The following NR6A1 variants were observed in gnomAD, a reference collection of about 807,000 sequenced individuals.
The protein encoded by NR6A1 is retinoic acid receptor-related testis-associated receptor.
NR6A1 carries 7 observed loss-of-function variants against 59.1 expected under a neutral mutation model. The ratio of observed to expected loss-of-function variants is 0.12; its 90% CI spans 0.07 to 0.22. NR6A1 has a LOEUF of 0.22. Ranked by LOEUF, NR6A1 falls within the 10% of genes least tolerant of loss-of-function variation. The probability of loss-of-function intolerance (pLI) is 1.00; values close to 1 mark genes in which losing one functional copy is unlikely to be tolerated. For missense variants in NR6A1, 468 were observed against 611.6 expected (o/e 0.77, Z 2.48); for synonymous variants, 243 against 236.1 (o/e 1.03, Z -0.27).
chr9:124,761,995 C>T (rs1378070434), intron 1 of NR6A1, among the ~76,000 whole-genome samples: 1 of 152,160 alleles, frequency 6.6e-6, no homozygotes, highest in Non-Finnish European at 1.5e-5. Context: ...ATGATATGAA[C>T]TCATTTTCAA....
chr9:124,725,313 T>C (rs1003392700), intron 2 of NR6A1, among the ~76,000 whole-genome samples: 3 of 151,428 alleles, frequency 2.0e-5, no homozygotes, highest in African/African-American at 4.9e-5. Context: ...CCAGGAATCA[T>C]AGGAAGGCAG....
intron 9 of NR6A1, among the ~76,000 whole-genome samples, chr9:124,523,382 A>G (rs150098697): frequency 1.5e-3 from 223 of 152,318 alleles, no homozygotes; most frequent in African/African-American, 5.2e-3. Context: ...TATAATTTAT[A>G]AATACCTAAG....
intron 2 of NR6A1, among the ~76,000 whole-genome samples, chr9:124,594,645 C>T (rs900741529): frequency 1.3e-5 from 2 of 152,184 alleles, no homozygotes; most frequent in African/African-American, 4.8e-5. Flanking sequence ...CTGGTATTTT[C>T]TACAAACTTT....
chr9:124,731,949 C>T (rs887490889), intron 2 of NR6A1, among the ~76,000 whole-genome samples: 8 of 152,048 alleles, frequency 5.3e-5, no homozygotes, highest in South Asian at 2.1e-4. Flanking sequence ...AAGGGTCAAC[C>T]GTACTATATA....
At chr9:124,531,333 C>A (rs1289897154) in intron 7 of NR6A1, among the ~76,000 whole-genome samples, 1 of 152,188 alleles carries the variant, frequency 6.6e-6, no homozygotes, top group Non-Finnish European at 1.5e-5. Flanking sequence ...GGTTCACTGT[C>A]TGATAACGGT....
intron 2 of NR6A1, among the ~76,000 whole-genome samples, chr9:124,575,371 C>T (rs549794424): frequency 1.3e-5 from 2 of 152,172 alleles, no homozygotes; most frequent in South Asian, 4.2e-4. Context: ...CTCAGGAGTT[C>T]GAGACCAGCC....
intron 2 of NR6A1, among the ~76,000 whole-genome samples, chr9:124,716,331 T>C (rs1388337858): frequency 2.0e-5 from 3 of 152,216 alleles, no homozygotes; most frequent in South Asian, 2.1e-4. Context: ...TCCATTATTA[T>C]AGACATAGAT....
chr9:124,642,200 C>A (rs566540845), intron 2 of NR6A1, among the ~76,000 whole-genome samples: 2 of 152,198 alleles, frequency 1.3e-5, no homozygotes, highest in East Asian at 3.9e-4. Context: ...CAAGCGCACA[C>A]CACCACGCCC....
Position 124,520,010 on chromosome 9 carries a change from C to T in NR6A1, c.*2695G>A, listed in dbSNP as rs1216966645. ...GAGAAATTAGAGAAAACATGCACAA[C>T]TTTTCTCTCCTTCCACTCGCAAAAA... On this transcript the variant is annotated 3_prime_UTR_variant, in exon 10 of 10. Coordinates refer to ENST00000487099, the MANE Select transcript of NR6A1 (RefSeq NM_033334.4). 6.7e-6 allele frequency: 1 copy of T among 149,214 alleles called. No individual in the cohort carries two copies. The highest frequency in any genetic ancestry group is 1.5e-5 in the Non-Finnish European group (1 of 67,476). 9.2% of individuals were successfully genotyped at this position (149,214 alleles called of 1,614,324 possible). A position where few individuals can be genotyped will look rare whatever the true frequency, so the allele number is the denominator to read the frequency against.
chr9:124,584,624 C>T (rs1312607074), intron 2 of NR6A1, among the ~76,000 whole-genome samples: 4 of 152,020 alleles, frequency 2.6e-5, no homozygotes, highest in Admixed American at 2.0e-4. Context: ...TGCCACGAAC[C>T]GCACCGAAAT....
intron 2 of NR6A1, among the ~76,000 whole-genome samples, chr9:124,568,091 T>C (rs2131421442): frequency 7.1e-6 from 1 of 139,916 alleles, no homozygotes; most frequent in East Asian, 2.1e-4. Context: ...GGAGAATCCC[T>C]TGAACTTGGA....
intron 2 of NR6A1, among the ~76,000 whole-genome samples, chr9:124,571,402 G>A (rs1346926290): frequency 6.6e-6 from 1 of 152,154 alleles, no homozygotes; most frequent in African/African-American, 2.4e-5. Flanking sequence ...AGAGAGACTG[G>A]AATCTGCAGT....
At chr9:124,688,540 T>A (rs1838417130) in intron 2 of NR6A1, among the ~76,000 whole-genome samples, 1 of 152,224 alleles carries the variant, frequency 6.6e-6, no homozygotes, top group Admixed American at 6.5e-5. Context: ...ATAATTACTT[T>A]TCCTGGAACC....
chr9:124,661,326 A>G (rs1307063828), intron 2 of NR6A1, among the ~76,000 whole-genome samples: 1 of 152,204 alleles, frequency 6.6e-6, no homozygotes, highest in Non-Finnish European at 1.5e-5. Context: ...TCAAGAAACG[A>G]GCAGGGGGAA....
At chr9:124,609,770 C>T (rs866800692) in intron 2 of NR6A1, among the ~76,000 whole-genome samples, 14 of 152,112 alleles carry the variant, frequency 9.2e-5, no homozygotes, top group Admixed American at 9.2e-4. Context: ...TTGTTTGTGT[C>T]CTCTCTGATT....
At chr9:124,654,054 TC>T in intron 2 of NR6A1, among the ~76,000 whole-genome samples, 1 of 152,242 alleles carries the variant, frequency 6.6e-6, no homozygotes, top group African/African-American at 2.4e-5. Context: ...TGGAAGAAGC[TC>T]TCGTTGAACA....
chr9:124,771,064 C>G lies in NR6A1; in HGVS notation c.56G>C (p.Gly19Ala). 2 of 1,230,582 alleles carry G rather than the reference C, an allele frequency of 1.6e-6. No homozygotes were observed. 76.2% of individuals were successfully genotyped at this position (1,230,582 alleles called of 1,614,324 possible). Residue 19 changes from glycine to alanine, a missense_variant, in exon 1 of 10, where the codon GGG (glycine) becomes GCG (alanine). Coordinates refer to ENST00000487099, the MANE Select transcript of NR6A1 (RefSeq NM_033334.4). ...GAGCGCGGCGGGAGGCTCCAGGAAC[C>G]CCGCCGAGCCCCCGCCGCCTCCCCC... ...SGGGGGGGSA[G>A]FLEPPAALPP... is the part of the protein sequence containing the mutation.
At chr9:124,658,804 G>A (rs1837336049) in intron 2 of NR6A1, 1 of 151,940 alleles carries the variant, frequency 6.6e-6, no homozygotes, top group African/African-American at 2.4e-5. Context: ...CTGTTGAGGG[G>A]CTTGACTAAA....
At position 124,740,273 on chromosome 9, in the gene NR6A1, C is replaced by T. The variant is rs533046592; in HGVS notation, c.101-6924G>A. 6.0e-4 allele frequency among the ~76,000 whole-genome samples: 91 copies of T among 152,304 alleles called. 1 individual carries two copies. In the South Asian group the frequency reaches 0.018, roughly 31 times the overall value. ...CTCCCTTTCCTGCAAACACTCAAGT[C>T]TGAGTTAGGCACTACAAACAACATG... On this transcript the variant is annotated intron_variant, in intron 1 of 9. Coordinates refer to ENST00000487099, the MANE Select transcript of NR6A1 (RefSeq NM_033334.4).
Sources: gnomAD v4.1 joint callset for allele counts (sites outside exome capture counted in the v4.1 genomes callset) on GRCh38, gnomAD v4.1.1 for gene constraint, MANE v1.5 for transcripts, NCBI Gene and HGNC (gene_info 2026-07-23, HGNC 2026-07-21) for gene names.